CACNB4: variants seen among roughly 807,000 people sequenced by gnomAD.
CACNB4 encodes calcium voltage-gated channel auxiliary subunit beta 4, also known as voltage-dependent L-type calcium channel subunit beta-4.
CACNB4 carries 32 observed loss-of-function variants against 71.2 expected under a neutral mutation model. The observed-to-expected ratio is 0.45, with a 90% CI of 0.34 to 0.60. The LOEUF is 0.60. Among genes scored for constraint, CACNB4 ranks in the 20% least tolerant of loss-of-function variants. The pLI, the probability that CACNB4 is intolerant of heterozygous loss-of-function variation, is 0.01. For missense variants in CACNB4, 464 were observed against 647.9 expected, an observed-to-expected ratio of 0.72 and a Z score of 3.08; for synonymous variants, 231 against 236.9, an observed-to-expected ratio of 0.97 and a Z score of 0.23.
rs540841422 is a variant in CACNB4 at position 151,980,146 on chromosome 2, G to C, written c.148-96776C>G. Among the ~76,000 whole-genome samples the C allele has an allele frequency of 3.9e-5, 6 of 152,114 alleles. No individual in the cohort carries two copies. The South Asian group carries it at 1.0e-3, about 26-fold the overall frequency. On this transcript the variant is annotated intron_variant, in intron 2 of 13. Transcript: ENST00000539935. ...TCCCAGGAGTTTTTCTCTTTGATTTGATAACACGATTAATAATAAGCATCC... is the reference window on the plus strand; with the variant it reads ...TCCCAGGAGTTTTTCTCTTTGATTTCATAACACGATTAATAATAAGCATCC...
At chr2:151,870,989 CT>C in intron 6 of CACNB4, 128 bp from the exon 7 acceptor site, 1 of 671,168 alleles carries the variant, frequency 1.5e-6, no homozygotes, top group Non-Finnish European at 2.6e-6. Flanking sequence ...CTATCGCCCA[CT>C]TTGGAGAACC....
chr2:151,937,180 C>T (rs866779843), intron 2 of CACNB4, among the ~76,000 whole-genome samples: 2 of 152,136 alleles, frequency 1.3e-5, no homozygotes, highest in East Asian at 1.9e-4. Flanking sequence ...AATTCCTATC[C>T]GAGCAGGCCT....
chr2:152,009,482 A>G (rs1560128680), intron 2 of CACNB4, among the ~76,000 whole-genome samples: 2 of 152,208 alleles, frequency 1.3e-5, no homozygotes, highest in East Asian at 1.9e-4. Flanking sequence ...CAAATGTACC[A>G]TAGTAAGGTA....
chr2:152,059,929 A>G (rs1685921430), intron 2 of CACNB4, among the ~76,000 whole-genome samples: 1 of 152,106 alleles, frequency 6.6e-6, no homozygotes, highest in Non-Finnish European at 1.5e-5. Flanking sequence ...TTCTCACCAG[A>G]TCTGATGGTT....
rs1464269654 is a variant in CACNB4 at position 151,872,508 on chromosome 2, AG to A, written c.522-16del. ...CACTTGATTTCCTAGGATATAGAAA[AG>A]GAACTAAAGACTCACTCCCCAGATT... On this transcript the variant is annotated splice_polypyrimidine_tract_variant and intron_variant, in intron 5 of 13. Coordinates refer to ENST00000539935, the MANE Select transcript of CACNB4 (RefSeq NM_000726.5). The A allele has an allele frequency of 1.4e-6, 2 of 1,433,882 alleles. No individual in the cohort carries two copies. Among genetic ancestry groups the A allele is most frequent in the Non-Finnish European group, 2.0e-6 (2 of 1,019,624 alleles). 88.8% of individuals were successfully genotyped at this position (1,433,882 alleles called of 1,614,324 possible). A position where few individuals can be genotyped will look rare whatever the true frequency, so the allele number is the denominator to read the frequency against.
intron 2 of CACNB4, among the ~76,000 whole-genome samples, chr2:152,053,826 T>C (rs1203106142): frequency 1.3e-5 from 2 of 151,966 alleles, no homozygotes; most frequent in Non-Finnish European, 2.9e-5. Context: ...CACCTGGCCC[T>C]GCTCCAGCAA....
chr2:151,930,578 C>T (rs114655527), intron 2 of CACNB4, among the ~76,000 whole-genome samples: 88 of 152,198 alleles, frequency 5.8e-4, no homozygotes, highest in Non-Finnish European at 1.1e-3. Flanking sequence ...TGCATACCTG[C>T]TCATTAGTAG....
chr2:152,019,475 C>T (rs1284648441), intron 2 of CACNB4, among the ~76,000 whole-genome samples: 1 of 151,914 alleles, frequency 6.6e-6, no homozygotes, highest in Non-Finnish European at 1.5e-5. Context: ...CATAGCTACT[C>T]AGTACATGTT....
At chr2:152,072,731 C>A (rs1265056241) in intron 2 of CACNB4, among the ~76,000 whole-genome samples, 1 of 151,742 alleles carries the variant, frequency 6.6e-6, no homozygotes, top group Non-Finnish European at 1.5e-5. Context: ...AGCTCCGCCT[C>A]CCGGTTTCAC....
At chr2:151,954,276 C>T (rs929782896) in intron 2 of CACNB4, among the ~76,000 whole-genome samples, 1 of 152,174 alleles carries the variant, frequency 6.6e-6, no homozygotes, top group African/African-American at 2.4e-5. Flanking sequence ...TTCAACATCA[C>T]ACAAAAATTA....
At chr2:152,039,600 A>G (rs17397914) in intron 2 of CACNB4, among the ~76,000 whole-genome samples, 8,590 of 152,160 alleles carry the variant, frequency 0.056, 287 homozygotes, top group Non-Finnish European at 0.076. Flanking sequence ...TATTTGTTCT[A>G]TGAGGATAAG....
At chr2:151,847,199 G>A (rs2099837823) in intron 12 of CACNB4, among the ~76,000 whole-genome samples, 1 of 151,370 alleles carries the variant, frequency 6.6e-6, no homozygotes, top group South Asian at 2.1e-4. Context: ...AGGCAACATG[G>A]CAAAACCCTG....
chr2:151,994,399 G>A (rs961841468), intron 2 of CACNB4, among the ~76,000 whole-genome samples: 1 of 152,066 alleles, frequency 6.6e-6, no homozygotes, highest in African/African-American at 2.4e-5. Flanking sequence ...TAGAGACGGG[G>A]TTTCAGCATG....
At chr2:152,058,892 T>C (rs1685861641) in intron 2 of CACNB4, among the ~76,000 whole-genome samples, 1 of 152,232 alleles carries the variant, frequency 6.6e-6, no homozygotes, top group Non-Finnish European at 1.5e-5. Flanking sequence ...CTGCTGTATG[T>C]AGCCTCTTGG....
At chr2:151,979,758 T>C (rs567753838) in intron 2 of CACNB4, among the ~76,000 whole-genome samples, 1 of 152,188 alleles carries the variant, frequency 6.6e-6, no homozygotes, top group Non-Finnish European at 1.5e-5. Flanking sequence ...GCAGCAACAC[T>C]GAAGATCCTG....
intron 2 of CACNB4, among the ~76,000 whole-genome samples, chr2:152,014,149 C>A (rs4362556): frequency 0.21 from 31,297 of 152,102 alleles, 4,456 homozygotes; most frequent in East Asian, 0.73. Flanking sequence ...GAGTTTGAAA[C>A]CAGCCTGGCC....
chr2:151,901,600 T>TA (rs1377343712), intron 2 of CACNB4, among the ~76,000 whole-genome samples: 2 of 152,134 alleles, frequency 1.3e-5, no homozygotes, highest in African/African-American at 4.8e-5. Context: ...AAAACCTCCT[T>TA]ACTAGAAAAG....
chr2:151,957,257 C>CGTGTATGTGT (rs3068823), intron 2 of CACNB4, among the ~76,000 whole-genome samples: 15,189 of 131,658 alleles, frequency 0.12, 1,254 homozygotes, highest in Non-Finnish European at 0.14. Context: ...AGTGGCTGGG[C>CGTGTATGTGT]GTGTGTGTGT....
At chr2:152,008,629 G>A (rs1454036326) in intron 2 of CACNB4, among the ~76,000 whole-genome samples, 1 of 152,160 alleles carries the variant, frequency 6.6e-6, no homozygotes, top group African/African-American at 2.4e-5. Context: ...ATAGAACCAC[G>A]AACTTCCTGA....
Sources: allele counts gnomAD v4.1 joint callset (sites outside exome capture counted in the v4.1 genomes callset), GRCh38; gene constraint gnomAD v4.1.1; transcripts MANE v1.5; gene names NCBI Gene and HGNC (gene_info 2026-07-23, HGNC 2026-07-21).